TENM2: variants seen among roughly 807,000 people sequenced by gnomAD.
The protein encoded by TENM2 is teneurin-2.
Under a neutral mutation model 245.2 loss-of-function variants are expected in TENM2, and 52 were observed. The observed-to-expected ratio is 0.21, with a 90% confidence interval of 0.17 to 0.27. TENM2 has a LOEUF of 0.27. TENM2 is among the 10% of genes least tolerant of loss of function. The probability of loss-of-function intolerance (pLI) is 1.00; values close to 1 mark genes in which losing one functional copy is unlikely to be tolerated. For synonymous variants in TENM2, 1,363 were observed against 1,438.9 expected (o/e 0.95, Z 1.19); for missense variants, 3,046 against 3,666.8 (o/e 0.83, Z 4.37).
At chr5:167,316,193 A>T (rs554272820) in intron 1 of TENM2, among the ~76,000 whole-genome samples, 1 of 152,344 alleles carries the variant, frequency 6.6e-6, no homozygotes, top group African/African-American at 2.4e-5. Flanking sequence ...AGCTTCATAA[A>T]GGCAGAGATA....
chr5:167,764,506 T>C (rs1283187232), intron 2 of TENM2, among the ~76,000 whole-genome samples: 2 of 152,208 alleles, frequency 1.3e-5, no homozygotes, highest in Non-Finnish European at 2.9e-5. Context: ...CTATTGAATA[T>C]GATTTGTAAG....
At chr5:167,646,292 G>A (rs1779967072) in intron 2 of TENM2, among the ~76,000 whole-genome samples, 1 of 144,018 alleles carries the variant, frequency 6.9e-6, no homozygotes, top group Non-Finnish European at 1.5e-5. Context: ...CCAGGTAATG[G>A]GTTTCACTGT....
chr5:167,346,158 T>C (rs558624540), intron 1 of TENM2, among the ~76,000 whole-genome samples: 1 of 152,340 alleles, frequency 6.6e-6, no homozygotes, highest in East Asian at 1.9e-4. Context: ...AAGAGGATAT[T>C]GGACTACAGG....
chr5:168,185,194 C>T (rs1760279392), intron 13 of TENM2: 1 of 152,100 alleles, frequency 6.6e-6, no homozygotes, highest in Non-Finnish European at 1.5e-5. Context: ...GAAGCGTCAC[C>T]CCTCCTAATA....
intron 2 of TENM2, among the ~76,000 whole-genome samples, chr5:167,643,841 C>T (rs1470595966): frequency 2.6e-5 from 4 of 152,084 alleles, no homozygotes; most frequent in African/African-American, 4.8e-5. Context: ...GATGCAAATA[C>T]GTGTTAAGTA....
the TENM2 span, among the ~76,000 whole-genome samples, chr5:167,259,699 C>A: frequency 6.6e-6 from 1 of 152,092 alleles, no homozygotes; most frequent in African/African-American, 2.4e-5. Flanking sequence ...GTGTTCATTA[C>A]CAACTTGAAT....
chr5:168,081,662 A>G (rs965013266), intron 7 of TENM2, among the ~76,000 whole-genome samples: 34 of 152,150 alleles, frequency 2.2e-4, no homozygotes, highest in Non-Finnish European at 3.1e-4. Context: ...CTTGTCTGTA[A>G]AGGATTTTAT....
At chr5:167,659,524 T>G (rs1755067175) in intron 2 of TENM2, among the ~76,000 whole-genome samples, 2 of 152,346 alleles carry the variant, frequency 1.3e-5, no homozygotes, top group African/African-American at 2.4e-5. Flanking sequence ...CACATTTTAT[T>G]GATACATAAG....
At chr5:167,793,546 A>G (rs1765117586) in intron 2 of TENM2, among the ~76,000 whole-genome samples, 2 of 152,144 alleles carry the variant, frequency 1.3e-5, no homozygotes, top group Admixed American at 6.6e-5. Flanking sequence ...CTTAAGAGAC[A>G]TCAAGAGGCC....
At chr5:167,131,608 T>C in the TENM2 span, among the ~76,000 whole-genome samples, 1 of 152,106 alleles carries the variant, frequency 6.6e-6, no homozygotes. Context: ...CATCCATCAA[T>C]AGCATTTTCA....
chr5:167,108,556 C>T, the TENM2 span, among the ~76,000 whole-genome samples: 2 of 152,326 alleles, frequency 1.3e-5, no homozygotes, highest in Middle Eastern at 3.4e-3. Context: ...CGGTAACTAT[C>T]CTCATTGTTA....
intron 2 of TENM2, among the ~76,000 whole-genome samples, chr5:167,729,563 T>G (rs1421693747): frequency 1.3e-5 from 2 of 152,170 alleles, no homozygotes; most frequent in African/African-American, 4.8e-5. Flanking sequence ...ACTCAGCAAC[T>G]GGGAAATGTC....
chr5:168,123,274 G>T (rs1202364502), intron 10 of TENM2, among the ~76,000 whole-genome samples: 4 of 152,112 alleles, frequency 2.6e-5, no homozygotes, highest in Non-Finnish European at 5.9e-5. Context: ...ATTCTAGCCT[G>T]GGTGACAGAG....
At chr5:168,191,226 A>G (rs1010183237) in intron 14 of TENM2, among the ~76,000 whole-genome samples, 1 of 152,206 alleles carries the variant, frequency 6.6e-6, no homozygotes, top group African/African-American at 2.4e-5. Flanking sequence ...TTTTGTCTTC[A>G]ACTTCACCCC....
chr5:168,241,094 T>C (rs930151834), intron 25 of TENM2: 1 of 152,076 alleles, frequency 6.6e-6, no homozygotes, highest in Non-Finnish European at 1.5e-5. Context: ...TTTAAAAAAA[T>C]AAAAAATCCT....
At chr5:167,547,490 C>T (rs928869082) in intron 2 of TENM2, among the ~76,000 whole-genome samples, 5 of 152,138 alleles carry the variant, frequency 3.3e-5, no homozygotes, top group South Asian at 2.1e-4. Flanking sequence ...TTTTGTTTTT[C>T]GAAATATTTT....
At position 168,028,326 on chromosome 5, in the gene TENM2, C is replaced by T. The variant is rs73803840; in HGVS notation, c.1187-19101C>T. ...AAGAGGAGTCCATATGCTTTACACACGAGACAGCCAGGCAGTTTTGACACT... is the reference window on the plus strand; with the variant it reads ...AAGAGGAGTCCATATGCTTTACACATGAGACAGCCAGGCAGTTTTGACACT... On this transcript the variant is annotated intron_variant, in intron 5 of 28. Transcript: ENST00000518659. Among the ~76,000 whole-genome samples the T allele has an allele frequency of 1.4e-3, 207 of 152,264 alleles. 1 individual carries two copies. Among genetic ancestry groups the T allele is most frequent in the African/African-American group, 4.6e-3 (191 of 41,554 alleles).
chr5:167,792,422 C>T (rs956100942), intron 2 of TENM2, among the ~76,000 whole-genome samples: 2 of 151,914 alleles, frequency 1.3e-5, no homozygotes, highest in South Asian at 2.1e-4. Context: ...CCCATTTCCC[C>T]ATTATTGTTT....
At chr5:167,504,402 T>C (rs1310660581) in intron 2 of TENM2, among the ~76,000 whole-genome samples, 1 of 152,206 alleles carries the variant, frequency 6.6e-6, no homozygotes, top group East Asian at 1.9e-4. Context: ...GTATAAAACT[T>C]GCAAAAGCAA....
Sources: allele counts gnomAD v4.1 joint callset (sites outside exome capture counted in the v4.1 genomes callset), GRCh38; gene constraint gnomAD v4.1.1; transcripts MANE v1.5; gene names NCBI Gene and HGNC (gene_info 2026-07-23, HGNC 2026-07-21).